The following NCR1 variants were observed in gnomAD, a reference collection of about 807,000 sequenced individuals.
NCR1 encodes NK cell-activating receptor.
NCR1 carries 30 observed loss-of-function variants against 32.5 expected under a neutral mutation model. The ratio of observed to expected loss-of-function variants is 0.92; its 90% CI spans 0.69 to 1.25. NCR1 has a LOEUF of 1.25. NCR1 is among the 50% of genes most tolerant of loss of function. NCR1 has a pLI of 0.00. For synonymous variants in NCR1, 169 were observed against 143.4 expected, an observed-to-expected ratio of 1.18 and a Z score of -1.28; for missense variants, 369 against 380.7, an observed-to-expected ratio of 0.97 and a Z score of 0.26.
downstream of NCR1, among the ~76,000 whole-genome samples, chr19:54,919,733 G>A (rs531584089): frequency 1.2e-4 from 11 of 91,444 alleles, no homozygotes; most frequent in South Asian, 3.6e-3. Context: ...CCCACCCGCT[G>A]CCCCTTTCCC....
chr19:54,934,749 GC>G, the NCR1 span: 1 of 1,101,316 alleles, frequency 9.1e-7, no homozygotes, highest in Non-Finnish European at 1.3e-6. The surrounding 1 kb of genome is among the most constrained non-coding windows in gnomAD (Gnocchi z 6.7). Context: ...TCACTCTGTT[GC>G]CCAGTCTGGA....
At chr19:54,918,941 A>C (rs1161820966), downstream of NCR1, among the ~76,000 whole-genome samples, 4 of 151,234 alleles carry the variant, frequency 2.6e-5, no homozygotes, top group Non-Finnish European at 5.9e-5. Flanking sequence ...CCAAGATCAC[A>C]CCATTGCACT....
the NCR1 span, among the ~76,000 whole-genome samples, chr19:54,900,523 G>A: frequency 2.6e-5 from 4 of 151,950 alleles, no homozygotes; most frequent in Non-Finnish European, 5.9e-5. Flanking sequence ...GTTAAGGCAG[G>A]AACCGGCCAT....
At chr19:54,918,703 G>A (rs2068182737), downstream of NCR1, among the ~76,000 whole-genome samples, 1 of 151,980 alleles carries the variant, frequency 6.6e-6, no homozygotes, top group African/African-American at 2.4e-5. Flanking sequence ...GCCAGGCACG[G>A]TGGCGGTGGC....
At chr19:54,912,599 C>CAAAAAAAAAAAAAAAAAAAAAAAAAA (rs60025694) in intron 6 of NCR1, 91 bp from the exon 7 acceptor site, 1 of 338,744 alleles carries the variant, frequency 3.0e-6, no homozygotes, top group African/African-American at 4.4e-5. Flanking sequence ...GGCTCTGTCT[C>CAAAAAAAAAAAAAAAAAAAAAAAAAA]AAAAAAAAAA....
the NCR1 span, among the ~76,000 whole-genome samples, chr19:54,927,387 A>G: frequency 6.6e-6 from 1 of 151,796 alleles, no homozygotes; most frequent in Non-Finnish European, 1.5e-5. Flanking sequence ...GTCTCAAAAA[A>G]AAAAAAAGAA....
chr19:54,913,126 C>G (rs2068059727), downstream of NCR1: 2 of 326,794 alleles, frequency 6.1e-6, no homozygotes, highest in Non-Finnish European at 1.1e-5. Context: ...GATCTTGGCT[C>G]ACTGCAACCT....
chr19:54,934,004 G>A, the NCR1 span, among the ~76,000 whole-genome samples: 5 of 152,164 alleles, frequency 3.3e-5, no homozygotes, highest in Admixed American at 6.6e-5. The surrounding 1 kb of genome is among the most constrained non-coding windows in gnomAD (Gnocchi z 6.7). Flanking sequence ...GTGCAGTGGC[G>A]CGATCTCGGT....
At chr19:54,928,151 C>G in the NCR1 span, among the ~76,000 whole-genome samples, 13 of 152,134 alleles carry the variant, frequency 8.5e-5, no homozygotes, top group South Asian at 2.5e-3. Context: ...GCCTGGGAGG[C>G]GGAGGTTACA....
upstream of NCR1, among the ~76,000 whole-genome samples, chr19:54,902,928 G>C (rs750303373): frequency 2.6e-4 from 40 of 151,900 alleles, 1 homozygote; most frequent in Non-Finnish European, 1.3e-4. Context: ...TCAAGAGTTC[G>C]AGACTAGCCT....
rs587657657 is a variant in NCR1, at chr19:54,910,033, C to A, written c.650C>A (p.Thr217Asn). The A allele has an allele frequency of 1.2e-6, 2 of 1,613,714 alleles. No individual in the cohort carries two copies. Among genetic ancestry groups the A allele is most frequent in the Non-Finnish European group, 1.7e-6 (2 of 1,179,912 alleles). The change falls in exon 5 of 7, where the codon ACC becomes AAC. Residue 217 changes from threonine (T) to asparagine (N), a missense_variant. Transcript: ENST00000291890. ...KLLVTGDIEN[T>N]SLAPEDPTFP... ...CCTTTTCCAGGCGACATTGAGAACACCAGCCTTGCACCTGAAGACCCCACC... is the reference window on the plus strand; with the variant it reads ...CCTTTTCCAGGCGACATTGAGAACAACAGCCTTGCACCTGAAGACCCCACC...
chr19:54,917,514 T>C (rs900284034), downstream of NCR1, among the ~76,000 whole-genome samples: 3 of 151,646 alleles, frequency 2.0e-5, no homozygotes. Flanking sequence ...GAGATGGGGG[T>C]TTTACCATGT....
chr19:54,934,868 T>A, the NCR1 span, among the ~76,000 whole-genome samples: 5 of 152,024 alleles, frequency 3.3e-5, no homozygotes, highest in Non-Finnish European at 7.4e-5. The surrounding 1 kb of genome is among the most constrained non-coding windows in gnomAD (Gnocchi z 6.7). Context: ...CGCCAATTTT[T>A]GTATTTTTAG....
At chr19:54,901,123 GAAAAA>G in the NCR1 span, among the ~76,000 whole-genome samples, 1 of 101,568 alleles carries the variant, frequency 9.8e-6, no homozygotes, top group Non-Finnish European at 1.9e-5. Context: ...TCTCTACTTT[GAAAAA>G]AAAAAAAAAA....
At chr19:54,932,191 G>A in the NCR1 span, among the ~76,000 whole-genome samples, 4,914 of 152,094 alleles carry the variant, frequency 0.032, 274 homozygotes, top group African/African-American at 0.11. Flanking sequence ...ACTTTGGGAG[G>A]CCGAGGCAGG....
chr19:54,903,492 A>ATATATG (rs1194031908), upstream of NCR1, among the ~76,000 whole-genome samples: 8 of 138,438 alleles, frequency 5.8e-5, 1 homozygote, highest in East Asian at 4.5e-4. Flanking sequence ...ATGTATATAC[A>ATATATG]TATATGTATG....
At chr19:54,900,867 T>G in the NCR1 span, among the ~76,000 whole-genome samples, 1 of 151,962 alleles carries the variant, frequency 6.6e-6, no homozygotes, top group Non-Finnish European at 1.5e-5. Flanking sequence ...CATTCTAAAA[T>G]TAGACTGTGT....
the NCR1 span, among the ~76,000 whole-genome samples, chr19:54,899,874 G>A: frequency 5.9e-5 from 9 of 152,096 alleles, no homozygotes; most frequent in East Asian, 1.9e-4. Context: ...GTCCATGACC[G>A]GCGCTGGAGT....
chr19:54,906,006 C>A, upstream of NCR1: 1 of 713,818 alleles, frequency 1.4e-6, no homozygotes, highest in Non-Finnish European at 2.4e-6. Flanking sequence ...GGGACCACGG[C>A]CTTTCTGTAA....
Sources: gnomAD v4.1 joint callset for allele counts (sites outside exome capture counted in the v4.1 genomes callset) on GRCh38, gnomAD v4.1.1 for gene constraint, Gnocchi (gnomAD v3.1) non-coding constraint, MANE v1.5 for transcripts, NCBI Gene and HGNC (gene_info 2026-07-23, HGNC 2026-07-21) for gene names.